Variants in N4BP2L2 observed in about 807,000 individuals in gnomAD.
The protein encoded by N4BP2L2 is NEDD4-binding protein 2-like 2.
A neutral mutation model predicts 56.2 loss-of-function variants in N4BP2L2; 50 were observed. The ratio of observed to expected loss-of-function variants is 0.89; its 90% CI spans 0.71 to 1.13. The LOEUF is 1.13. Ranked by LOEUF, N4BP2L2 falls within the 50% of genes most tolerant of loss-of-function variation. The probability of loss-of-function intolerance (pLI) is 0.00; values close to 1 mark genes in which losing one functional copy is unlikely to be tolerated. For synonymous variants in N4BP2L2, 203 were observed against 223.6 expected, an observed-to-expected ratio of 0.91 and a Z score of 0.82; for missense variants, 689 against 693.8, an observed-to-expected ratio of 0.99 and a Z score of 0.08.
downstream of N4BP2L2, chr13:32,509,234 G>C (rs207632): frequency 0.32 from 48,090 of 152,004 alleles, 8,248 homozygotes; most frequent in East Asian, 0.46. Context: ...AACTTTTTGA[G>C]CATTGATTGA....
downstream of N4BP2L2, chr13:32,506,482 C>T (rs2090970416): frequency 6.6e-6 from 1 of 152,050 alleles, no homozygotes; most frequent in Admixed American, 6.6e-5. Context: ...CTAATCTTTC[C>T]CAGCCACCAT....
At chr13:32,464,671 C>A (rs2080890980) in intron 6 of N4BP2L2, among the ~76,000 whole-genome samples, 1 of 152,154 alleles carries the variant, frequency 6.6e-6, no homozygotes, top group South Asian at 2.1e-4. Context: ...TTAAATCCCC[C>A]TATTTGAAAT....
chr13:32,538,494 G>A, intron 1 of N4BP2L2, 124 bp downstream of exon 1: 1 of 520,722 alleles, frequency 1.9e-6, no homozygotes, highest in Non-Finnish European at 2.5e-6. Context: ...AGGTCTCTGA[G>A]GCGCAAAAGT....
intron 6 of N4BP2L2, among the ~76,000 whole-genome samples, chr13:32,494,008 C>CA (rs1344593967): frequency 6.6e-6 from 1 of 152,120 alleles, no homozygotes; most frequent in Non-Finnish European, 1.5e-5. Flanking sequence ...AGTGGTGGCT[C>CA]ACGCCTTTAA....
intron 7 of N4BP2L2, chr13:32,438,741 TGAAA>T (rs756011782): frequency 3.2e-5 from 51 of 1,599,384 alleles, no homozygotes; most frequent in Non-Finnish European, 3.6e-5. Flanking sequence ...AAGGATTCTG[TGAAA>T]GAAAGAAAGA....
intron 9 of N4BP2L2, among the ~76,000 whole-genome samples, chr13:32,435,453 C>T (rs891489827): frequency 6.6e-6 from 1 of 152,106 alleles, no homozygotes; most frequent in Non-Finnish European, 1.5e-5. Context: ...AGGCTGGTCT[C>T]GAACTCCTGA....
chr13:32,473,428 T>C (rs1448698573), intron 6 of N4BP2L2, among the ~76,000 whole-genome samples: 1 of 152,146 alleles, frequency 6.6e-6, no homozygotes, highest in Admixed American at 6.5e-5. Flanking sequence ...GGATCCTAGT[T>C]TGGGGAGAAA....
Position 32,469,475 on chromosome 13 carries a change from C to A in N4BP2L2, c.366-25349G>T, listed in dbSNP as rs1383687492. 2.6e-5 allele frequency among the ~76,000 whole-genome samples: 4 copies of A among 152,152 alleles called. No individual in the cohort carries two copies. The South Asian group carries it at 8.3e-4, about 32-fold the overall frequency. On this transcript the variant is annotated intron_variant, in intron 6 of 9. Transcript: ENST00000357505. ...ATGCATGCCCAGTCCCTGTGGGATG[C>A]AGCGCAGGGAGGAGGAAGAACCTTG...
chr13:32,529,807 C>T (rs1030064227), intron 2 of N4BP2L2, among the ~76,000 whole-genome samples: 2 of 151,028 alleles, frequency 1.3e-5, no homozygotes, highest in Admixed American at 6.6e-5. Flanking sequence ...CTCACTGCAA[C>T]CTCCACCTCC....
intron 6 of N4BP2L2, among the ~76,000 whole-genome samples, chr13:32,451,811 G>A (rs963646676): frequency 1.3e-5 from 2 of 151,606 alleles, no homozygotes; most frequent in Admixed American, 6.6e-5. Context: ...GGGATTACAG[G>A]CCCAGCACAC....
intron 6 of N4BP2L2, among the ~76,000 whole-genome samples, chr13:32,497,476 C>A (rs1320731141): frequency 1.3e-5 from 2 of 152,194 alleles, no homozygotes; most frequent in African/African-American, 4.8e-5. Flanking sequence ...CAGGCAACAA[C>A]AGAGTTCACA....
chr13:32,469,284 G>A (rs2081849254), intron 6 of N4BP2L2, among the ~76,000 whole-genome samples: 1 of 152,222 alleles, frequency 6.6e-6, no homozygotes. Flanking sequence ...TGGCAGCTGT[G>A]CTGCATGGAT....
At chr13:32,439,867 A>C (rs2076033585) in intron 7 of N4BP2L2, among the ~76,000 whole-genome samples, 1 of 150,892 alleles carries the variant, frequency 6.6e-6, no homozygotes. Context: ...AAAAAAAAAA[A>C]AAAAAAAAAT....
chr13:32,534,588 A>G (rs962768858), intron 2 of N4BP2L2, among the ~76,000 whole-genome samples: 2 of 152,244 alleles, frequency 1.3e-5, no homozygotes. Flanking sequence ...GAATCAAAAT[A>G]CAAAGACCAA....
intron 6 of N4BP2L2, among the ~76,000 whole-genome samples, chr13:32,502,543 T>C (rs1028036171): frequency 1.3e-5 from 2 of 152,338 alleles, no homozygotes; most frequent in African/African-American, 4.8e-5. Flanking sequence ...AAAATATTCA[T>C]CTTGCTTAAT....
intron 6 of N4BP2L2, chr13:32,477,782 A>G (rs1033539232): frequency 1.4e-5 from 14 of 986,110 alleles, no homozygotes; most frequent in African/African-American, 1.7e-5. Context: ...GGGCCTGACC[A>G]GGTCTTGTTA....
rs542106776 is a variant in N4BP2L2, at chr13:32,482,646, A to G, written c.365+35211T>C. 3.9e-5 allele frequency among the ~76,000 whole-genome samples: 6 copies of G among 152,136 alleles called. No homozygotes were observed. In the South Asian group the frequency reaches 1.2e-3, roughly 32 times the overall value. On this transcript the variant is annotated intron_variant, in intron 6 of 9. Coordinates refer to the N4BP2L2 transcript ENST00000357505. ...CTCCCAAAGTGCTGGGATTATAGGC[A>G]TGAGCCACTGTGCCTGGCCTTAGAC...
intron 6 of N4BP2L2, among the ~76,000 whole-genome samples, chr13:32,456,573 T>G (rs1490070274): frequency 6.6e-6 from 1 of 151,994 alleles, no homozygotes; most frequent in Non-Finnish European, 1.5e-5. Flanking sequence ...CTCAAAATAA[T>G]GATAATCAAA....
intron 3 of N4BP2L2, among the ~76,000 whole-genome samples, chr13:32,526,194 T>C (rs1487339060): frequency 6.6e-6 from 1 of 152,222 alleles, no homozygotes; most frequent in Non-Finnish European, 1.5e-5. Flanking sequence ...ACATAGTTTC[T>C]GCAACAAGTT....
Sources: allele counts gnomAD v4.1 joint callset (sites outside exome capture counted in the v4.1 genomes callset), GRCh38; gene constraint gnomAD v4.1.1; transcripts MANE v1.5; gene names NCBI Gene and HGNC (gene_info 2026-07-23, HGNC 2026-07-21).